TAF5: variants seen among roughly 807,000 people sequenced by gnomAD.
TAF5 encodes transcription initiation factor TFIID subunit 5.
Under a neutral mutation model 80.9 loss-of-function variants are expected in TAF5, and 20 were observed. The observed-to-expected ratio is 0.25, with a 90% CI of 0.17 to 0.36. TAF5 has a LOEUF of 0.36. TAF5 is among the 10% of genes least tolerant of loss of function. The pLI is 1.00. For synonymous variants in TAF5, 388 were observed against 406.4 expected, an observed-to-expected ratio of 0.95 and a Z score of 0.55; for missense variants, 863 against 1,029.4, an observed-to-expected ratio of 0.84 and a Z score of 2.21.
intron 2 of TAF5, among the ~76,000 whole-genome samples, chr10:103,375,018 C>T (rs528860215): frequency 2.7e-5 from 4 of 149,064 alleles, no homozygotes; most frequent in African/African-American, 7.4e-5. Flanking sequence ...ATTTGGGAGG[C>T]TGAGGCTGGA....
rs943201384 is a variant in TAF5 at position 103,378,952 on chromosome 10, G to A, written c.1113+402G>A. ...TGGCATAACAGGCGTGAGCTACTGC[G>A]CCTGGCCGCTTGGAAACAATTTTAT... On this transcript the variant is annotated intron_variant, in intron 3 of 10. Transcript: ENST00000369839. This position sits in a 1 kb window ranked among gnomAD's most constrained non-coding sequence, Gnocchi z 4.1. Among the ~76,000 whole-genome samples, 3 of 152,148 alleles carry A rather than the reference G, an allele frequency of 2.0e-5. No individual in the cohort carries two copies. Among genetic ancestry groups the A allele is most frequent in the South Asian group, 2.1e-4 (1 of 4,832 alleles).
In TAF5 at chr10:103,368,406, C is replaced by A; in HGVS notation, c.417C>A (p.Ala139=). ...GAGCCCCGGGAGAGGTGGACAGCGC[C>A]GGCGCTGAGGTGACCAGCGCGCTTC... The part of the protein sequence containing the change: ...GSGAPGEVDS[A]GAEVTSALLS... Residue 139 remains alanine, a synonymous_variant, in exon 1 of 11, where the codon GCC becomes GCA. Coordinates refer to ENST00000369839, the MANE Select transcript of TAF5 (RefSeq NM_006951.5). 6.4e-7 allele frequency: 1 copy of A among 1,568,410 alleles called. No individual in the cohort carries two copies. The highest frequency in any genetic ancestry group is 1.3e-5 in the African/African-American group (1 of 74,404).
intron 7 of TAF5, among the ~76,000 whole-genome samples, chr10:103,384,045 G>T (rs1030541368): frequency 3.3e-5 from 5 of 151,544 alleles, no homozygotes; most frequent in Admixed American, 1.3e-4. Context: ...GGGTTGAATT[G>T]CTTCATTGGG....
chr10:103,381,775 G>C lies in TAF5; in HGVS notation c.1468G>C (p.Ala490Pro). ...DDSSLIAGGF[A>P]DSTVRVWSVT... ...TTCTAGTCTGATTGCTGGAGGTTTTGCAGATTCAACTGTCAGAGTGTGGTC... is the reference window on the plus strand; with the variant it reads ...TTCTAGTCTGATTGCTGGAGGTTTTCCAGATTCAACTGTCAGAGTGTGGTC... Residue 490 changes from alanine (A) to proline (P), a missense_variant, in exon 6 of 11, where the codon GCA becomes CCA. Physicochemically the swap from Ala to Pro is conservative, Grantham distance 27. Around this residue, in one of 3 missense-constraint regions of TAF5, gnomAD observed 368 missense variants for 461.7 expected, o/e 0.80. Coordinates refer to ENST00000369839, the MANE Select transcript of TAF5 (RefSeq NM_006951.5). 1 of 1,614,156 alleles carries C rather than the reference G, an allele frequency of 6.2e-7. No individual in the cohort carries two copies. The highest frequency in any genetic ancestry group is 8.5e-7 in the Non-Finnish European group (1 of 1,180,018).
rs371327914 is a variant in TAF5, at chr10:103,378,520, A to C, written c.1083A>C (p.Gly361=). ...ATGCGATGGTGGGAAGTTTGGCAGG[A>C]GAGGCTAAACGAGAGGCAAACAAAT... The part of the protein sequence containing the change: ...QIDAMVGSLA[G]EAKREANKSK... Residue 361 remains glycine, a synonymous_variant, in exon 3 of 11, where the codon GGA becomes GGC. Coordinates refer to ENST00000369839, the MANE Select transcript of TAF5 (RefSeq NM_006951.5). The surrounding 1 kb of genome is among the most constrained non-coding windows in gnomAD (Gnocchi z 4.1). 3.8e-4 allele frequency: 608 copies of C among 1,613,876 alleles called. 2 individuals are homozygous for C. Among genetic ancestry groups the C allele is most frequent in the Non-Finnish European group, 4.7e-4 (549 of 1,179,924 alleles).
intron 1 of TAF5, among the ~76,000 whole-genome samples, chr10:103,371,100 G>A (rs1356804560): frequency 6.6e-6 from 1 of 152,096 alleles, no homozygotes; most frequent in Non-Finnish European, 1.5e-5. Flanking sequence ...AAAATTAGCT[G>A]GGCGTGGTGG....
intron 1 of TAF5, among the ~76,000 whole-genome samples, 154 bp downstream of exon 1, chr10:103,368,702 C>A (rs2093351751): frequency 6.6e-6 from 1 of 152,204 alleles, no homozygotes; most frequent in Non-Finnish European, 1.5e-5. Flanking sequence ...AGTGCGCGGG[C>A]TGCGCAGTCA....
intron 7 of TAF5, 139 bp from the exon 8 acceptor site, chr10:103,385,187 A>C (rs979020335): frequency 3.4e-5 from 22 of 653,820 alleles, no homozygotes; most frequent in Non-Finnish European, 5.4e-5. Flanking sequence ...TATGAATTAA[A>C]AGTGAGATGC....
At chr10:103,373,903 G>C (rs1214227625) in intron 2 of TAF5, among the ~76,000 whole-genome samples, 1 of 152,164 alleles carries the variant, frequency 6.6e-6, no homozygotes, top group Non-Finnish European at 1.5e-5. Context: ...AAGGATCCTG[G>C]TAGGTACAGA....
rs570530980 is a variant in TAF5 at position 103,368,026 on chromosome 10, G to A, written c.37G>A (p.Val13Ile). ...ALAEEQTEVA[V>I]KLEPEGPPTL... ...GGCGGAGGAGCAGACGGAGGTGGCG[G>A]TCAAGCTAGAGCCTGAGGGACCGCC... The change falls in exon 1 of 11, where the codon GTC becomes ATC. Residue 13 changes from valine (V) to isoleucine (I), a missense_variant. Transcript: ENST00000369839. 5.4e-6 allele frequency: 8 copies of A among 1,468,704 alleles called. No homozygotes were observed. In the African/African-American group the frequency reaches 5.9e-5, roughly 11 times the overall value. 91.0% of individuals were successfully genotyped at this position (1,468,704 alleles called of 1,614,324 possible). A position where few individuals can be genotyped will look rare whatever the true frequency, so the allele number is the denominator to read the frequency against.
At position 103,387,243 on chromosome 10, in the gene TAF5, C is replaced by G; in HGVS notation, c.1898C>G (p.Thr633Ser). 2.5e-6 allele frequency: 4 copies of G among 1,614,132 alleles called. No homozygotes were observed. Among genetic ancestry groups the G allele is most frequent in the Non-Finnish European group, 3.4e-6 (4 of 1,180,018 alleles). The change falls in exon 9 of 11, where the codon ACC (threonine) becomes AGC (serine). Residue 633 changes from threonine to serine, a missense_variant. Transcript: ENST00000369839. ...GGCCATCTTGCTGATGTGAATTGTA[C>G]CAGATTCCATCCAAATTCTAATTAT... The part of the protein sequence containing the change: ...FAGHLADVNC[T>S]RFHPNSNYVA...
intron 6 of TAF5, among the ~76,000 whole-genome samples, chr10:103,382,504 G>A (rs975935928): frequency 4.6e-5 from 7 of 151,890 alleles, no homozygotes; most frequent in African/African-American, 1.7e-4. Flanking sequence ...AATTATAGGT[G>A]GCTCACTGCA....
In TAF5 at chr10:103,388,314, A is replaced by C; in HGVS notation, c.*91A>C. Reference sequence around the variant, plus strand: ...TCAGTGATTAATATTTAAGCTACAGAGAATGTTTTTGTCTATATGGATCTG... The same window carrying C: ...TCAGTGATTAATATTTAAGCTACAGCGAATGTTTTTGTCTATATGGATCTG... On this transcript the variant is annotated 3_prime_UTR_variant, in exon 11 of 11. Coordinates refer to ENST00000369839, the MANE Select transcript of TAF5 (RefSeq NM_006951.5). 8.5e-7 allele frequency: 1 copy of C among 1,173,188 alleles called. No individual in the cohort carries two copies. Among genetic ancestry groups the C allele is most frequent in the Non-Finnish European group, 1.2e-6 (1 of 832,798 alleles). 72.7% of individuals were successfully genotyped at this position (1,173,188 alleles called of 1,614,324 possible).
chr10:103,377,768 T>C (rs2093373123), intron 2 of TAF5, among the ~76,000 whole-genome samples: 1 of 152,180 alleles, frequency 6.6e-6, no homozygotes, highest in African/African-American at 2.4e-5. Context: ...TTGATTATTG[T>C]TGAGATGCTG....
In TAF5 at chr10:103,378,174, G is replaced by A; in HGVS notation, c.798-61G>A. On this transcript the variant is annotated intron_variant, in intron 2 of 10. Coordinates refer to ENST00000369839, the MANE Select transcript of TAF5 (RefSeq NM_006951.5). The surrounding 1 kb of genome is among the most constrained non-coding windows in gnomAD (Gnocchi z 4.1). ...TCTGGGATGGTTTATAAGTATATGG[G>A]GGAAAGGCAGATCCCTTAATGATTA... 3 of 1,453,592 alleles carry A rather than the reference G, an allele frequency of 2.1e-6. No individual in the cohort carries two copies. In the South Asian group the frequency reaches 3.9e-5, roughly 19 times the overall value. The allele number at this position is 1,453,592 out of a possible 1,614,324, so 90.0% of individuals were successfully genotyped here.
chr10:103,369,226 G>A (rs764576774), intron 1 of TAF5, among the ~76,000 whole-genome samples: 1 of 152,022 alleles, frequency 6.6e-6, no homozygotes, highest in South Asian at 2.1e-4. Flanking sequence ...TGATCCACCT[G>A]CCTCGGCCTC....
At chr10:103,375,966 G>C (rs1382908460) in intron 2 of TAF5, among the ~76,000 whole-genome samples, 1 of 151,558 alleles carries the variant, frequency 6.6e-6, no homozygotes, top group Non-Finnish European at 1.5e-5. Context: ...GCCGAGGCAG[G>C]AGAATCACTT....
At chr10:103,368,911 A>G (rs1386179428) in intron 1 of TAF5, among the ~76,000 whole-genome samples, 2 of 152,130 alleles carry the variant, frequency 1.3e-5, no homozygotes, top group African/African-American at 2.4e-5. Flanking sequence ...TACTTTAAGT[A>G]CTGTAAGTAC....
Position 103,387,641 on chromosome 10 carries a change from C to T in TAF5, c.2128C>T (p.His710Tyr). Residue 710 changes from histidine to tyrosine, a missense_variant, in exon 10 of 11, where the codon CAC becomes TAC. Physicochemically the swap from His to Tyr is moderately conservative, Grantham distance 83. Transcript: ENST00000369839. ...TTTGATGGTTGGAGAATTAAAAGGC[C>T]ACACTGATACAGTCTGTTCACTTAG... is the stretch of plus-strand genomic sequence containing the variant. ...HGLMVGELKG[H>Y]TDTVCSLRFS... 4.3e-6 allele frequency: 7 copies of T among 1,614,054 alleles called. No homozygotes were observed. Among genetic ancestry groups the T allele is most frequent in the Non-Finnish European group, 5.9e-6 (7 of 1,180,020 alleles).
Sources: gnomAD v4.1 joint callset for allele counts (sites outside exome capture counted in the v4.1 genomes callset) on GRCh38, gnomAD v4.1.1 for gene constraint, gnomAD v4.1.1 regional missense constraint, Gnocchi (gnomAD v3.1) non-coding constraint, MANE v1.5 for transcripts, NCBI Gene and HGNC (gene_info 2026-07-23, HGNC 2026-07-21) for gene names.